Variants in INPP4B observed in about 807,000 individuals in gnomAD.
The protein encoded by INPP4B is inositol polyphosphate 4-phosphatase type II.
Under a neutral mutation model 122.5 loss-of-function variants are expected in INPP4B, and 55 were observed. The ratio of observed to expected loss-of-function variants is 0.45; its 90% CI spans 0.36 to 0.56. INPP4B has a LOEUF of 0.56. Ranked by LOEUF, INPP4B falls within the 20% of genes least tolerant of loss-of-function variation. The pLI is 0.00. For synonymous variants in INPP4B, 403 were observed against 388.7 expected (o/e 1.04, Z -0.43); for missense variants, 1,000 against 1,097.7 (o/e 0.91, Z 1.26).
intron 1 of INPP4B, among the ~76,000 whole-genome samples, chr4:142,755,567 G>T (rs554186199): frequency 2.0e-5 from 3 of 151,962 alleles, no homozygotes; most frequent in African/African-American, 7.2e-5. Flanking sequence ...AGAGCTGAAG[G>T]TCCCTTCTGA....
intron 2 of INPP4B, among the ~76,000 whole-genome samples, chr4:142,485,909 A>C (rs774515012): frequency 6.6e-6 from 1 of 152,156 alleles, no homozygotes; most frequent in Non-Finnish European, 1.5e-5. Context: ...ACACACATGT[A>C]AACAATGCTT....
At position 142,076,212 on chromosome 4, in the gene INPP4B, C is replaced by T. The variant is rs115767631; in HGVS notation, c.2642+5819G>A. 4.3e-4 allele frequency among the ~76,000 whole-genome samples: 65 copies of T among 152,102 alleles called. 2 individuals carry two copies. The highest frequency in any genetic ancestry group is 1.4e-3 in the African/African-American group (60 of 41,530). ...TCTGTCAATAGAATACTATGACAATCTTGTCAGGCATGAATATAAGAAGAA... is the reference window on the plus strand; with the variant it reads ...TCTGTCAATAGAATACTATGACAATTTTGTCAGGCATGAATATAAGAAGAA... On this transcript the variant is annotated intron_variant, in intron 25 of 25. Coordinates refer to ENST00000262992, the MANE Select transcript of INPP4B (RefSeq NM_001101669.3).
intron 2 of INPP4B, among the ~76,000 whole-genome samples, chr4:142,631,614 TA>T (rs901814367): frequency 6.6e-6 from 1 of 151,404 alleles, no homozygotes; most frequent in Non-Finnish European, 1.5e-5. Context: ...GCATGACAAA[TA>T]AAAAAAATCT....
chr4:142,341,091 C>T (rs148847656), intron 7 of INPP4B, among the ~76,000 whole-genome samples: 3 of 152,294 alleles, frequency 2.0e-5, no homozygotes, highest in African/African-American at 7.2e-5. Flanking sequence ...TTCCAATGCA[C>T]TTATAGTGAA....
chr4:142,366,193 C>A (rs532501198), intron 7 of INPP4B, among the ~76,000 whole-genome samples: 2 of 152,194 alleles, frequency 1.3e-5, no homozygotes, highest in South Asian at 2.1e-4. Flanking sequence ...AGATCCACCC[C>A]CTGCCTGCAA....
chr4:142,377,523 C>T (rs1327442390), intron 7 of INPP4B, among the ~76,000 whole-genome samples: 1 of 151,942 alleles, frequency 6.6e-6, no homozygotes, highest in Non-Finnish European at 1.5e-5. Context: ...GAAAGTGAAT[C>T]TGGAAGAAGA....
intron 1 of INPP4B, among the ~76,000 whole-genome samples, chr4:142,779,571 G>A (rs1774483085): frequency 6.6e-6 from 1 of 151,922 alleles, no homozygotes; most frequent in African/African-American, 2.4e-5. Context: ...TACCAACATG[G>A]TACACTGAGG....
At chr4:142,816,505 T>G (rs747125288) in intron 1 of INPP4B, among the ~76,000 whole-genome samples, 1 of 152,088 alleles carries the variant, frequency 6.6e-6, no homozygotes, top group Non-Finnish European at 1.5e-5. Flanking sequence ...TCCCATTAAA[T>G]CTTAACTTCC....
chr4:142,557,001 C>T (rs1356733597), intron 2 of INPP4B, among the ~76,000 whole-genome samples: 1 of 152,060 alleles, frequency 6.6e-6, no homozygotes. Flanking sequence ...GCTGCCCTGT[C>T]GTGACCACCG....
intron 2 of INPP4B, among the ~76,000 whole-genome samples, chr4:142,596,646 A>G (rs1344307963): frequency 6.6e-6 from 1 of 152,244 alleles, no homozygotes; most frequent in East Asian, 1.9e-4. Flanking sequence ...TAAGAAAGAG[A>G]ACTTCCCATT....
At chr4:142,605,749 T>A (rs1741104770) in intron 2 of INPP4B, among the ~76,000 whole-genome samples, 1 of 151,814 alleles carries the variant, frequency 6.6e-6, no homozygotes, top group Non-Finnish European at 1.5e-5. Flanking sequence ...TCACTCCAGT[T>A]AGACAAGACA....
At chr4:142,781,379 C>T (rs1774794506) in intron 1 of INPP4B, among the ~76,000 whole-genome samples, 1 of 152,184 alleles carries the variant, frequency 6.6e-6, no homozygotes, top group Admixed American at 6.6e-5. Context: ...GGTTGTACTG[C>T]TGAGAACAGG....
At chr4:142,590,677 A>ACAATATAATAT (rs1436019412) in intron 2 of INPP4B, among the ~76,000 whole-genome samples, 1 of 151,922 alleles carries the variant, frequency 6.6e-6, no homozygotes, top group Non-Finnish European at 1.5e-5. Context: ...TATTTAGCTT[A>ACAATATAATAT]ATATTGTATA....
chr4:142,283,790 G>C (rs746347307), intron 9 of INPP4B, among the ~76,000 whole-genome samples: 1 of 152,092 alleles, frequency 6.6e-6, no homozygotes, highest in Non-Finnish European at 1.5e-5. Flanking sequence ...GAATACAGAT[G>C]ACATTAAAAG....
intron 15 of INPP4B, among the ~76,000 whole-genome samples, chr4:142,188,358 G>A (rs1205598751): frequency 6.6e-6 from 1 of 150,954 alleles, no homozygotes; most frequent in Non-Finnish European, 1.5e-5. Flanking sequence ...ATGGTGGCGG[G>A]CACCTGTAGT....
intron 18 of INPP4B, among the ~76,000 whole-genome samples, chr4:142,131,821 G>A (rs1801412312): frequency 6.6e-6 from 1 of 152,152 alleles, no homozygotes; most frequent in African/African-American, 2.4e-5. Flanking sequence ...TGGGCATGGT[G>A]GCGCATGCCT....
intron 1 of INPP4B, among the ~76,000 whole-genome samples, chr4:142,775,073 T>C (rs1773651904): frequency 6.6e-6 from 1 of 152,100 alleles, no homozygotes; most frequent in African/African-American, 2.4e-5. Context: ...ATGATTTTCT[T>C]ATAATTAAAC....
intron 2 of INPP4B, among the ~76,000 whole-genome samples, chr4:142,524,254 C>G (rs1826519582): frequency 1.3e-5 from 2 of 152,254 alleles, no homozygotes; most frequent in East Asian, 1.9e-4. Context: ...AATGGTTGAA[C>G]TAGTTTACAG....
At chr4:142,758,662 A>G (rs1770851010) in intron 1 of INPP4B, among the ~76,000 whole-genome samples, 2 of 152,106 alleles carry the variant, frequency 1.3e-5, no homozygotes, top group African/African-American at 2.4e-5. Context: ...CTTGAAATTC[A>G]CTTGTTAAGG....
Sources: gnomAD v4.1 joint callset for allele counts (sites outside exome capture counted in the v4.1 genomes callset) on GRCh38, gnomAD v4.1.1 for gene constraint, MANE v1.5 for transcripts, NCBI Gene and HGNC (gene_info 2026-07-23, HGNC 2026-07-21) for gene names.